UCP2: variants seen among roughly 807,000 people sequenced by gnomAD.
UCP2 encodes dicarboxylate carrier SLC25A8.
In UCP2, 27 loss-of-function variants were observed where a neutral mutation model predicts 31.3. The ratio of observed to expected loss-of-function variants is 0.86; its 90% CI spans 0.64 to 1.19. The LOEUF is 1.19. Among genes scored for constraint, UCP2 ranks in the 50% most tolerant of loss-of-function variants. The pLI is 0.00. For synonymous variants in UCP2, 142 were observed against 157.4 expected (o/e 0.90, Z 0.73); for missense variants, 377 against 413.5 (o/e 0.91, Z 0.76).
At position 73,976,842 on chromosome 11, in the gene UCP2, C is replaced by A. The variant is rs201819447; in HGVS notation, c.513G>T (p.Gly171=). ...ACACACCTTTCCAGAGGCCCCGGAA[C>A]CCTTCCTCTCGGGCAATGGTCTTGT... ...NAYKTIAREE[G]FRGLWKGTSP... The change falls in exon 5 of 8, where the codon GGG becomes GGT. Residue 171 remains glycine, a synonymous_variant. Coordinates refer to ENST00000663595, the MANE Select transcript of UCP2 (RefSeq NM_003355.3). The A allele has an allele frequency of 5.0e-5, 81 of 1,614,230 alleles. No homozygotes were observed. The African/African-American group carries it at 9.3e-4, about 19-fold the overall frequency.
intron 7 of UCP2, 120 bp downstream of exon 7, chr11:73,975,371 G>C (rs760207): frequency 0.043 from 53,067 of 1,248,452 alleles, 1,288 homozygotes; most frequent in Middle Eastern, 0.071. Context: ...TGAAATGCCA[G>C]GACCAGGATC....
chr11:73,976,643 G>C lies in UCP2; in HGVS notation c.632C>G (p.Thr211Arg). ...KDALLKANLM[T>R]DDLPCHFTSA... ...GCACCGTCTACCTCATGACTCACCT[G>C]TCATGAGGTTGGCTTTCAGGAGGGC... The change falls in exon 6 of 8, where the codon ACA (threonine) becomes AGA (arginine). Residue 211 changes from threonine (T) to arginine (R), a missense_variant and splice_region_variant. Coordinates refer to ENST00000663595, the MANE Select transcript of UCP2 (RefSeq NM_003355.3). 4 of 1,613,712 alleles carry C rather than the reference G, an allele frequency of 2.5e-6. No homozygotes were observed. Among genetic ancestry groups the C allele is most frequent in the Non-Finnish European group, 3.4e-6 (4 of 1,179,702 alleles).
At chr11:73,980,468 A>C (rs909183281) in intron 2 of UCP2, among the ~76,000 whole-genome samples, 6 of 152,146 alleles carry the variant, frequency 3.9e-5, no homozygotes, top group African/African-American at 1.4e-4. Flanking sequence ...CTCAGTGAAG[A>C]CTGGTGCTCA....
chr11:73,977,847 A>G lies in UCP2; in HGVS notation c.337+39T>C, dbSNP rs772216270. 14 of 1,613,306 alleles carry G rather than the reference A, an allele frequency of 8.7e-6. No homozygotes were observed. The East Asian group carries it at 3.1e-4, about 36-fold the overall frequency. ...AACTAAGATCAATCATCACTGAGAA[A>G]AAAGGGCCAAGGGGCCTACACCCTT... On this transcript the variant is annotated intron_variant, in intron 4 of 7. Transcript: ENST00000663595.
chr11:73,977,174 T>C (rs575771272), intron 4 of UCP2, 157 bp from the exon 5 acceptor site: 33 of 715,620 alleles, frequency 4.6e-5, no homozygotes, highest in Non-Finnish European at 7.2e-5. Flanking sequence ...TAAGAACTCC[T>C]CACATCAAAC....
At chr11:73,978,712 G>C in intron 2 of UCP2, 1 of 373,980 alleles carries the variant, frequency 2.7e-6, no homozygotes, top group Non-Finnish European at 5.2e-6. Flanking sequence ...TGCAGGGAGA[G>C]TCTGGATCAG....
intron 2 of UCP2, among the ~76,000 whole-genome samples, chr11:73,979,573 A>C (rs1017574706): frequency 5.9e-5 from 9 of 152,084 alleles, no homozygotes; most frequent in East Asian, 1.9e-4. Flanking sequence ...ACAAAAAAAA[A>C]CCTAGCACTT....
intron 4 of UCP2, among the ~76,000 whole-genome samples, 177 bp downstream of exon 4, chr11:73,977,709 C>G (rs758010921): frequency 6.6e-6 from 1 of 152,170 alleles, no homozygotes; most frequent in Non-Finnish European, 1.5e-5. Context: ...TGCTCAGAGC[C>G]TGGTATAGCC....
At chr11:73,975,408 CACTT>C in intron 7 of UCP2, 79 bp downstream of exon 7, 1 of 1,482,068 alleles carries the variant, frequency 6.7e-7, no homozygotes, top group Non-Finnish European at 9.2e-7. Flanking sequence ...GGCTGCTACT[CACTT>C]CCAGGTGGTT....
Position 73,975,516 on chromosome 11 carries a change from C to T in UCP2, c.790G>A (p.Glu264Lys), listed in dbSNP as rs1951327854. The T allele has an allele frequency of 1.2e-6, 2 of 1,611,886 alleles. No homozygotes were observed. Among genetic ancestry groups the T allele is most frequent in the Non-Finnish European group, 8.5e-7 (1 of 1,178,562 alleles). ...CCTTTGTAGAAGGCTCGGGGCCCCT[C>T]CTTCTGGAGCATGGTAAGGGCACAG... The part of the protein sequence containing the change: ...GHCALTMLQK[E>K]GPRAFYKGFM... The change falls in exon 7 of 8, where the codon GAG becomes AAG. Residue 264 changes from glutamate (E) to lysine (K), a missense_variant. By Grantham distance (56) the Glu-to-Lys change is moderately conservative. Coordinates refer to ENST00000663595, the MANE Select transcript of UCP2 (RefSeq NM_003355.3).
In UCP2 at chr11:73,982,786, A is replaced by C. The variant is rs535760193; in HGVS notation, c.-322T>G. 2 of 152,310 alleles carry C rather than the reference A, an allele frequency of 1.3e-5. No homozygotes were observed. The highest frequency in any genetic ancestry group is 2.4e-5 in the African/African-American group (1 of 41,354). 9.4% of individuals were successfully genotyped at this position (152,310 alleles called of 1,614,324 possible). On this transcript the variant is annotated 5_prime_UTR_variant, in exon 1 of 8. Coordinates refer to ENST00000663595, the MANE Select transcript of UCP2 (RefSeq NM_003355.3). ...TGTCGGCTGGCGGAGGGCGCGTCGG[A>C]CGAGCCGGGCGAGCGTGGACAGTCA...
intron 4 of UCP2, 31 bp downstream of exon 4, chr11:73,977,855 C>G: frequency 6.2e-7 from 1 of 1,613,836 alleles, no homozygotes; most frequent in Non-Finnish European, 8.5e-7. Flanking sequence ...AAAAAAGGGC[C>G]AAGGGGCCTA....
In UCP2 at chr11:73,977,918, G is replaced by A; in HGVS notation, c.305C>T (p.Ser102Phe). Residue 102 changes from serine (S) to phenylalanine (F), a missense_variant, in exon 4 of 8, where the codon TCT (serine) becomes TTT (phenylalanine). Ser to Phe is a radical substitution (Grantham distance 155). Transcript: ENST00000663595. ...FASVRIGLYD[S>F]VKQFYTKGSE... Reference sequence around the variant, plus strand: ...GCCCTTGGTGTAGAACTGTTTGACAGAATCATACAGGCCGATGCGGACAGA... The same window carrying A: ...GCCCTTGGTGTAGAACTGTTTGACAAAATCATACAGGCCGATGCGGACAGA... The A allele has an allele frequency of 1.2e-6, 2 of 1,614,244 alleles. No homozygotes were observed. Among genetic ancestry groups the A allele is most frequent in the Non-Finnish European group, 1.7e-6 (2 of 1,180,048 alleles).
rs1951318251 is a variant in UCP2 at position 73,975,057 on chromosome 11, G to A, written c.880C>T (p.Leu294=). The A allele has an allele frequency of 6.2e-7, 1 of 1,613,792 alleles. No homozygotes were observed. The highest frequency in any genetic ancestry group is 8.5e-7 in the Non-Finnish European group (1 of 1,179,860). ...NVVMFVTYEQ[L]KRALMAACTS... ...CAGGCAGCCATGAGGGCTCGTTTCA[G>A]CTGCTCATAGGTGACGAACATCACC... is the stretch of plus-strand genomic sequence containing the variant. The change falls in exon 8 of 8, where the codon CTG becomes TTG. Residue 294 remains leucine (L), a synonymous_variant. Transcript: ENST00000663595.
Position 73,975,139 on chromosome 11 carries a change from C to T in UCP2, c.816-18G>A, listed in dbSNP as rs1395693133. 1 of 1,598,816 alleles carries T rather than the reference C, an allele frequency of 6.3e-7. No individual in the cohort carries two copies. Among genetic ancestry groups the T allele is most frequent in the Non-Finnish European group, 8.5e-7 (1 of 1,171,338 alleles). On this transcript the variant is annotated intron_variant, in intron 7 of 7. Transcript: ENST00000663595. ...GCATGAACCTAGAGGAGAAAAATCA[C>T]AGGTCATGGGGGCACCTCCACCTCC... is the stretch of plus-strand genomic sequence containing the variant.
chr11:73,975,432 C>G, intron 7 of UCP2, 59 bp downstream of exon 7: 1 of 1,554,560 alleles, frequency 6.4e-7, no homozygotes, highest in South Asian at 1.2e-5. Context: ...TCTCTCCCAC[C>G]CACAATAGAC....
In UCP2 at chr11:73,976,257, G is replaced by A. The variant is rs201124668; in HGVS notation, c.634+384C>T. ...TGCACACCTGTCATCCCAGCTACTC[G>A]GGAGGCTGAGGCACAAGAATCGCTT... On this transcript the variant is annotated intron_variant, in intron 6 of 7. Transcript: ENST00000663595. Among the ~76,000 whole-genome samples the A allele has an allele frequency of 3.3e-5, 5 of 152,052 alleles. No homozygotes were observed. The East Asian group carries it at 9.6e-4, about 29-fold the overall frequency.
chr11:73,975,207 T>G (rs1951322884), intron 7 of UCP2, 86 bp from the exon 8 acceptor site: 2 of 1,286,790 alleles, frequency 1.6e-6, no homozygotes, highest in East Asian at 5.0e-5. Flanking sequence ...ACCCAGTTGC[T>G]CTGTCCCAAA....
rs193211127 is a variant in UCP2 at position 73,978,162 on chromosome 11, G to C, written c.127-66C>G. The C allele has an allele frequency of 4.8e-5, 78 of 1,613,886 alleles. No individual in the cohort carries two copies. In the African/African-American group the frequency reaches 8.7e-4, roughly 18 times the overall value. On this transcript the variant is annotated intron_variant, in intron 3 of 7. Coordinates refer to ENST00000663595, the MANE Select transcript of UCP2 (RefSeq NM_003355.3). ...TGCCCTTCCCACCTCCAGTCATCTC[G>C]ATGCTCCAAACACTGGCCCTTGAGG...
Sources: gnomAD v4.1 joint callset for allele counts (sites outside exome capture counted in the v4.1 genomes callset) on GRCh38, gnomAD v4.1.1 for gene constraint, MANE v1.5 for transcripts, NCBI Gene and HGNC (gene_info 2026-07-23, HGNC 2026-07-21) for gene names.